The following RANBP17 variants were observed in gnomAD, a reference collection of about 807,000 sequenced individuals.
RANBP17 encodes the protein ran-binding protein 17.
Under a neutral mutation model 141.2 loss-of-function variants are expected in RANBP17, and 158 were observed. That is an observed-to-expected ratio of 1.12 (90% CI 0.98 to 1.28). RANBP17 has a LOEUF of 1.28. Among genes scored for constraint, RANBP17 ranks in the 50% most tolerant of loss-of-function variants. The pLI is 0.00. For missense variants in RANBP17, 1,438 were observed against 1,290.7 expected, an observed-to-expected ratio of 1.11 and a Z score of -1.75; for synonymous variants, 430 against 450.0, an observed-to-expected ratio of 0.96 and a Z score of 0.56.
intron 21 of RANBP17, among the ~76,000 whole-genome samples, chr5:171,215,068 C>T (rs1334493372): frequency 4.6e-5 from 7 of 151,782 alleles, no homozygotes; most frequent in Admixed American, 1.3e-4. Context: ...CCCCATCCCC[C>T]AACAGGCCCC....
At chr5:170,974,883 C>T (rs559163471) in intron 14 of RANBP17, among the ~76,000 whole-genome samples, 1 of 152,220 alleles carries the variant, frequency 6.6e-6, no homozygotes, top group East Asian at 1.9e-4. Context: ...TAAGGCAGGG[C>T]CAGGCAGCAA....
intron 18 of RANBP17, among the ~76,000 whole-genome samples, chr5:171,196,438 A>G (rs530640301): frequency 1.3e-5 from 2 of 152,284 alleles, no homozygotes; most frequent in Admixed American, 6.5e-5. Flanking sequence ...TGAAATGTTA[A>G]AAGTCTGAAT....
At chr5:171,089,575 G>A (rs1198681115) in intron 14 of RANBP17, among the ~76,000 whole-genome samples, 1 of 152,092 alleles carries the variant, frequency 6.6e-6, no homozygotes, top group Admixed American at 6.5e-5. Context: ...CTGCCTTGCA[G>A]TTTGATCTCA....
chr5:170,994,436 G>A (rs1441136549), intron 14 of RANBP17, among the ~76,000 whole-genome samples: 1 of 152,012 alleles, frequency 6.6e-6, no homozygotes, highest in African/African-American at 2.4e-5. Flanking sequence ...AATTTGTAGG[G>A]ATGAGGTAAG....
rs1285691380 is a variant in RANBP17 at position 171,299,001 on chromosome 5, C to T, written c.*143C>T. On this transcript the variant is annotated 3_prime_UTR_variant, in exon 28 of 28. Coordinates refer to ENST00000523189, the MANE Select transcript of RANBP17 (RefSeq NM_022897.5). ...ACAGCAAAAGCCCTAACTTCTTATA[C>T]GTCTAGCCTAATTATAAGAATTTCT... 1.3e-5 allele frequency: 7 copies of T among 521,064 alleles called. No homozygotes were observed. The highest frequency in any genetic ancestry group is 3.1e-5 in the South Asian group (1 of 32,432). The allele number at this position is 521,064 out of a possible 1,614,324, so 32.3% of individuals were successfully genotyped here. A position where few individuals can be genotyped will look rare whatever the true frequency, so the allele number is the denominator to read the frequency against.
intron 12 of RANBP17, among the ~76,000 whole-genome samples, chr5:170,933,211 A>C (rs1009873306): frequency 3.3e-5 from 5 of 152,130 alleles, no homozygotes; most frequent in African/African-American, 1.2e-4. Context: ...AGGTGTTTAT[A>C]GTATTCTCTG....
At chr5:171,271,573 A>T (rs1316600703) in intron 25 of RANBP17, 2 of 209,628 alleles carry the variant, frequency 9.5e-6, no homozygotes, top group Non-Finnish European at 1.9e-5. Flanking sequence ...ATGTTAATAA[A>T]GACATTTCCA....
intron 14 of RANBP17, among the ~76,000 whole-genome samples, chr5:171,091,925 AC>A (rs1786319117): frequency 6.6e-6 from 1 of 152,162 alleles, no homozygotes; most frequent in Non-Finnish European, 1.5e-5. Context: ...ACAGACTAAT[AC>A]ACCAGCTTTT....
Position 171,265,696 on chromosome 5 carries a change from C to T in RANBP17, c.2792C>T (p.Ser931Phe), listed in dbSNP as rs753904003. ...ATTTGTACAGATACAGTTGTCTCCT[C>T]CAGCTGCTGTACCAGTTTAGACTAC... ...GLTTLDTVVS[S>F]SCCTSLDYIV... The change falls in exon 25 of 28, where the codon TCC (serine) becomes TTC (phenylalanine). Residue 931 changes from serine (S) to phenylalanine (F), a missense_variant. Ser to Phe is a radical substitution (Grantham distance 155). Coordinates refer to ENST00000523189, the MANE Select transcript of RANBP17 (RefSeq NM_022897.5). 3.7e-6 allele frequency: 6 copies of T among 1,612,692 alleles called. No individual in the cohort carries two copies. In the African/African-American group the frequency reaches 4.0e-5, roughly 11 times the overall value.
chr5:171,275,545 G>T (rs531570321), intron 25 of RANBP17, among the ~76,000 whole-genome samples: 1 of 152,096 alleles, frequency 6.6e-6, no homozygotes, highest in African/African-American at 2.4e-5. Flanking sequence ...GCTTTTTCAG[G>T]TTCCCATTTT....
intron 14 of RANBP17, among the ~76,000 whole-genome samples, chr5:171,080,605 T>C (rs538068127): frequency 2.4e-4 from 36 of 152,208 alleles, no homozygotes; most frequent in Non-Finnish European, 3.5e-4. Flanking sequence ...CTGACAGAAA[T>C]GATGGGAAAT....
chr5:171,189,974 A>T (rs1274526067), intron 18 of RANBP17, among the ~76,000 whole-genome samples: 1 of 152,226 alleles, frequency 6.6e-6, no homozygotes, highest in African/African-American at 2.4e-5. Context: ...GATCCTCCTC[A>T]AATTAAAAAA....
At chr5:171,135,703 G>T (rs1395301312) in intron 14 of RANBP17, among the ~76,000 whole-genome samples, 2 of 152,092 alleles carry the variant, frequency 1.3e-5, no homozygotes, top group Admixed American at 1.3e-4. Context: ...AGAGTAAAGA[G>T]AAAATTCTTT....
At chr5:170,894,466 G>C (rs1018945825) in intron 4 of RANBP17, among the ~76,000 whole-genome samples, 1 of 108,460 alleles carries the variant, frequency 9.2e-6, no homozygotes, top group Non-Finnish European at 1.8e-5. Flanking sequence ...TATCACCATA[G>C]AATAGTTAGT....
chr5:170,938,708 C>A (rs1278032575), intron 12 of RANBP17, among the ~76,000 whole-genome samples: 1 of 151,908 alleles, frequency 6.6e-6, no homozygotes, highest in Non-Finnish European at 1.5e-5. Context: ...GTAAATTGGA[C>A]CCAACTGAGG....
chr5:170,879,472 G>T (rs1022794518), intron 2 of RANBP17, among the ~76,000 whole-genome samples: 1 of 152,128 alleles, frequency 6.6e-6, no homozygotes, highest in Non-Finnish European at 1.5e-5. Flanking sequence ...CTCACTACTT[G>T]TTTTAACTTT....
chr5:170,984,752 T>C (rs75448413), intron 14 of RANBP17, among the ~76,000 whole-genome samples: 4,941 of 152,334 alleles, frequency 0.032, 120 homozygotes, highest in Non-Finnish European at 0.05. Context: ...ATCAGAATTT[T>C]ACAGTATTTC....
chr5:170,990,649 TAGC>T (rs1378308064), intron 14 of RANBP17, among the ~76,000 whole-genome samples: 6 of 152,006 alleles, frequency 3.9e-5, no homozygotes, highest in Admixed American at 2.0e-4. Context: ...TGGTGGAAAT[TAGC>T]AGGCAGTTTT....
At chr5:171,125,933 G>A (rs147020015) in intron 14 of RANBP17, among the ~76,000 whole-genome samples, 389 of 152,006 alleles carry the variant, frequency 2.6e-3, no homozygotes, top group African/African-American at 8.0e-3. Context: ...GGTTACAGGC[G>A]CGCACCACCA....
Sources: allele counts gnomAD v4.1 joint callset (sites outside exome capture counted in the v4.1 genomes callset), GRCh38; gene constraint gnomAD v4.1.1; transcripts MANE v1.5; gene names NCBI Gene and HGNC (gene_info 2026-07-23, HGNC 2026-07-21).